The following SYT12 variants were observed in gnomAD, a reference collection of about 807,000 sequenced individuals.
SYT12 encodes the protein synaptotagmin 12.
A neutral mutation model predicts 39.5 loss-of-function variants in SYT12; 27 were observed. The observed-to-expected ratio is 0.68, with a 90% CI of 0.50 to 0.94. SYT12 has a LOEUF of 0.94. Ranked by LOEUF, SYT12 falls within the 40% of genes least tolerant of loss-of-function variation. The pLI, the probability that SYT12 is intolerant of heterozygous loss-of-function variation, is 0.00. For synonymous variants in SYT12, 233 were observed against 239.7 expected (o/e 0.97, Z 0.26); for missense variants, 536 against 572.6 (o/e 0.94, Z 0.65).
intron 1 of SYT12, chr11:67,028,834 T>C (rs1429626118): frequency 6.6e-6 from 1 of 152,218 alleles, no homozygotes; most frequent in Non-Finnish European, 1.5e-5. Context: ...CAAGCCACGG[T>C]GGTTGGCATT....
chr11:67,041,932 C>A (rs1458477847), intron 4 of SYT12, among the ~76,000 whole-genome samples: 1 of 152,202 alleles, frequency 6.6e-6, no homozygotes, highest in Admixed American at 6.5e-5. Context: ...TTAGGCTACC[C>A]TCCACACATC....
intron 4 of SYT12, among the ~76,000 whole-genome samples, chr11:67,043,043 C>T (rs953609937): frequency 6.6e-6 from 1 of 152,154 alleles, no homozygotes; most frequent in Non-Finnish European, 1.5e-5. Flanking sequence ...AAAGCATCCC[C>T]CTTATTCCCC....
intron 3 of SYT12, among the ~76,000 whole-genome samples, chr11:67,037,934 G>A (rs1333948545): frequency 6.6e-6 from 1 of 150,574 alleles, no homozygotes; most frequent in South Asian, 2.1e-4. Context: ...TCACACCTGT[G>A]GTCCTGGACA....
In SYT12 at chr11:67,040,110, C is replaced by G; in HGVS notation, c.528C>G (p.Gly176=). The part of the protein sequence containing the change: ...SHTLNVAVMQ[G]KDLLEREEAS... Reference sequence around the variant, plus strand: ...CGCTGAACGTGGCGGTGATGCAGGGCAAGGACCTCCTGGAGCGGGAGGAGG... The same window carrying G: ...CGCTGAACGTGGCGGTGATGCAGGGGAAGGACCTCCTGGAGCGGGAGGAGG... Residue 176 remains glycine (G), a synonymous_variant, in exon 4 of 8, where the codon GGC becomes GGG. Coordinates refer to ENST00000527043, the MANE Select transcript of SYT12 (RefSeq NM_177963.4). The G allele has an allele frequency of 6.2e-7, 1 of 1,613,284 alleles. No individual in the cohort carries two copies.
intron 3 of SYT12, among the ~76,000 whole-genome samples, chr11:67,013,667 A>G (rs1256633632): frequency 1.3e-5 from 2 of 152,162 alleles, no homozygotes; most frequent in Non-Finnish European, 2.9e-5. Context: ...TCAGGAGGTT[A>G]CAGGCCCCTG....
At chr11:67,016,010 G>A (rs1950055702) in intron 3 of SYT12, among the ~76,000 whole-genome samples, 1 of 152,208 alleles carries the variant, frequency 6.6e-6, no homozygotes, top group African/African-American at 2.4e-5. Context: ...GCCAGGCATG[G>A]TGGCTCATGC....
At chr11:67,009,507 G>C (rs942641590) in intron 1 of SYT12, among the ~76,000 whole-genome samples, 1 of 152,120 alleles carries the variant, frequency 6.6e-6, no homozygotes, top group Admixed American at 6.6e-5. Context: ...GGCCAGGCTG[G>C]TCTCGAACTC....
chr11:67,017,360 ATTT>A (rs11444184), intron 3 of SYT12, among the ~76,000 whole-genome samples: 1 of 139,514 alleles, frequency 7.2e-6, no homozygotes, highest in Non-Finnish European at 1.6e-5. Flanking sequence ...CATTTCTACA[ATTT>A]TTTTTTTTTT....
At chr11:67,040,281 C>T in intron 4 of SYT12, 78 bp downstream of exon 4, 5 of 1,509,220 alleles carry the variant, frequency 3.3e-6, no homozygotes, top group Non-Finnish European at 1.8e-6. Context: ...GCGGTGGGGC[C>T]CGGCAGGATC....
Position 67,048,691 on chromosome 11 carries a change from T to C in SYT12, c.1200T>C (p.His400=), listed in dbSNP as rs140111393. ...CAGCCAGTGGCATGGGAACCACACATTGGAACCAGATGTTGGCCACGCTGC... is the reference window on the plus strand; with the variant it reads ...CAGCCAGTGGCATGGGAACCACACACTGGAACCAGATGTTGGCCACGCTGC... ...GPSASGMGTT[H]WNQMLATLRR... is the part of the protein sequence containing the mutation. Residue 400 remains histidine (H), a synonymous_variant, in exon 8 of 8, where the codon CAT becomes CAC. Transcript: ENST00000527043. 3 of 1,612,248 alleles carry C rather than the reference T, an allele frequency of 1.9e-6. No homozygotes were observed. The highest frequency in any genetic ancestry group is 4.5e-5 in the East Asian group (2 of 44,834).
intron 3 of SYT12, among the ~76,000 whole-genome samples, chr11:67,016,541 T>C (rs572887031): frequency 6.6e-6 from 1 of 152,308 alleles, no homozygotes; most frequent in Admixed American, 6.5e-5. Flanking sequence ...GGTGTTTCTT[T>C]AAATATGCTA....
In SYT12 at chr11:67,048,597, G is replaced by C; in HGVS notation, c.1106G>C (p.Arg369Pro). 6.2e-7 allele frequency: 1 copy of C among 1,601,746 alleles called. No individual in the cohort carries two copies. Among genetic ancestry groups the C allele is most frequent in the Non-Finnish European group, 8.5e-7 (1 of 1,170,146 alleles). ...PAIVLQDLSL[R>P]VTVAESSSDG... ...CCTCTTCCTCAGGACCTGTCTCTCC[G>C]CGTGACGGTGGCTGAGAGCAGCAGC... The change falls in exon 8 of 8, where the codon CGC (arginine) becomes CCC (proline). Residue 369 changes from arginine to proline, a missense_variant. Coordinates refer to ENST00000527043, the MANE Select transcript of SYT12 (RefSeq NM_177963.4).
intron 3 of SYT12, among the ~76,000 whole-genome samples, chr11:67,036,583 C>T (rs1950384023): frequency 6.6e-6 from 1 of 152,192 alleles, no homozygotes; most frequent in African/African-American, 2.4e-5. Context: ...CTCATGTTCA[C>T]TCACTTAGGG....
rs771894758 is a variant in SYT12 at position 67,048,724 on chromosome 11, C to T, written c.1233C>T (p.Pro411=). 6.2e-6 allele frequency: 10 copies of T among 1,604,154 alleles called. No individual in the cohort carries two copies. Among genetic ancestry groups the T allele is most frequent in the South Asian group, 4.4e-5 (4 of 90,904 alleles). ...WNQMLATLRR[P]VSMWHAVRRN is the part of the protein sequence containing the mutation. ...AGATGTTGGCCACGCTGCGCAGGCC[C>T]GTGTCCATGTGGCACGCTGTCCGGC... Residue 411 remains proline (P), a synonymous_variant, in exon 8 of 8, where the codon CCC becomes CCT. Transcript: ENST00000527043.
chr11:67,014,843 C>T (rs757522113), intron 3 of SYT12, among the ~76,000 whole-genome samples: 9 of 152,126 alleles, frequency 5.9e-5, no homozygotes, highest in Non-Finnish European at 1.0e-4. Context: ...ATCCTCGTGG[C>T]CTCCTTACTA....
At chr11:67,023,678 C>T (rs1950142482) in intron 1 of SYT12, among the ~76,000 whole-genome samples, 1 of 152,246 alleles carries the variant, frequency 6.6e-6, no homozygotes, top group African/African-American at 2.4e-5. Flanking sequence ...GTGCGCATCG[C>T]ATCGCACGCC....
At chr11:67,031,380 T>C (rs1201037152) in intron 2 of SYT12, 1 of 152,442 alleles carries the variant, frequency 6.6e-6, no homozygotes, top group Non-Finnish European at 1.5e-5. Context: ...GGTGGGGTTA[T>C]AGGTGCAGAT....
chr11:67,038,145 C>CTATTTATT (rs34884260), intron 3 of SYT12, among the ~76,000 whole-genome samples: 5,707 of 147,906 alleles, frequency 0.039, 300 homozygotes, highest in African/African-American at 0.12. Flanking sequence ...GAAAATAAAA[C>CTATTTATT]TATTTATTTA....
chr11:67,035,804 TCC>T (rs1950359591), intron 3 of SYT12, among the ~76,000 whole-genome samples: 1 of 57,426 alleles, frequency 1.7e-5, no homozygotes, highest in African/African-American at 8.7e-5. Flanking sequence ...CTTCCTTCCT[TCC>T]TTCCTTCCTT....
Sources: allele counts gnomAD v4.1 joint callset (sites outside exome capture counted in the v4.1 genomes callset), GRCh38; gene constraint gnomAD v4.1.1; transcripts MANE v1.5; gene names NCBI Gene and HGNC (gene_info 2026-07-23, HGNC 2026-07-21).